Variants in CFAP70 observed in about 807,000 individuals in gnomAD.
CFAP70 encodes cilia- and flagella-associated protein 70.
In CFAP70, 81 loss-of-function variants were observed where a neutral mutation model predicts 137.6. The ratio of observed to expected loss-of-function variants is 0.59; its 90% CI spans 0.49 to 0.71. The LOEUF (loss-of-function observed/expected upper bound fraction) is 0.71, where lower values mean the gene tolerates loss of function less well. Among genes scored for constraint, CFAP70 ranks in the 30% least tolerant of loss-of-function variants. CFAP70 has a pLI of 0.00. For synonymous variants in CFAP70, 382 were observed against 423.6 expected (o/e 0.90, Z 1.20); for missense variants, 976 against 1,226.7 (o/e 0.80, Z 3.05).
At chr10:73,292,929 T>C (rs2048280990) in intron 16 of CFAP70, among the ~76,000 whole-genome samples, 1 of 152,186 alleles carries the variant, frequency 6.6e-6, no homozygotes, top group African/African-American at 2.4e-5. Context: ...TTCTGTCCTA[T>C]GTTTCTTCTA....
intron 9 of CFAP70, among the ~76,000 whole-genome samples, chr10:73,320,893 T>G (rs1212075698): frequency 6.6e-6 from 1 of 151,998 alleles, no homozygotes; most frequent in Non-Finnish European, 1.5e-5. Context: ...TCTCAAGCTC[T>G]TGACCTCAGG....
At chr10:73,308,434 G>C (rs1249553682) in intron 12 of CFAP70, among the ~76,000 whole-genome samples, 2 of 152,036 alleles carry the variant, frequency 1.3e-5, no homozygotes, top group Non-Finnish European at 2.9e-5. Context: ...TTCGAGACCA[G>C]CCTGAGCAAC....
intron 16 of CFAP70, among the ~76,000 whole-genome samples, chr10:73,292,479 A>T (rs913827663): frequency 4.6e-5 from 7 of 152,206 alleles, no homozygotes; most frequent in Admixed American, 1.3e-4. Flanking sequence ...ATGTTCATGG[A>T]TTGGATGACT....
chr10:73,340,122 C>T (rs2053111889), intron 6 of CFAP70, among the ~76,000 whole-genome samples: 1 of 152,314 alleles, frequency 6.6e-6, no homozygotes, highest in East Asian at 1.9e-4. Context: ...GCAGGTTGTC[C>T]TGACAAGTGC....
intron 26 of CFAP70, chr10:73,254,284 G>A (rs1132907): frequency 0.098 from 34,152 of 349,820 alleles, 2,515 homozygotes; most frequent in East Asian, 0.29. Flanking sequence ...CACTATGCAC[G>A]GTCATGATTT....
At chr10:73,286,405 C>T (rs1172219590) in intron 19 of CFAP70, among the ~76,000 whole-genome samples, 3 of 152,102 alleles carry the variant, frequency 2.0e-5, no homozygotes, top group Non-Finnish European at 4.4e-5. Context: ...GATCGCACCA[C>T]TGCACTCCAG....
At chr10:73,330,923 AGAGAGTCTTTAGT>A (rs2052009911) in intron 8 of CFAP70, among the ~76,000 whole-genome samples, 1 of 152,220 alleles carries the variant, frequency 6.6e-6, no homozygotes, top group African/African-American at 2.4e-5. Context: ...AATAAAGCCT[AGAGAGTCTTTAGT>A]GAACAACGGG....
intron 10 of CFAP70, 50 bp downstream of exon 11, chr10:73,312,423 C>T (rs1329991610): frequency 7.3e-7 from 1 of 1,375,088 alleles, no homozygotes; most frequent in Non-Finnish European, 9.9e-7. Flanking sequence ...TCAGTGAAGC[C>T]TCTGGAATGT....
At chr10:73,348,260 C>A (rs753728801) in intron 4 of CFAP70, 25 bp from the exon 5 acceptor site, 5 of 1,613,062 alleles carry the variant, frequency 3.1e-6, no homozygotes, top group Non-Finnish European at 4.2e-6. Flanking sequence ...CCAAGTTGAG[C>A]CAAAGAAGAA....
At chr10:73,320,947 G>T (rs2050798673) in intron 9 of CFAP70, among the ~76,000 whole-genome samples, 1 of 152,046 alleles carries the variant, frequency 6.6e-6, no homozygotes, top group Non-Finnish European at 1.5e-5. Context: ...GATTATAGGC[G>T]TGGCCTATAA....
chr10:73,312,600 A>C, exon 10 of CFAP70: 1 of 1,608,388 alleles, frequency 6.2e-7, no homozygotes, highest in East Asian at 2.2e-5. Context: ...ATTATGAATC[A>C]AGTGATGGCC....
intron 9 of CFAP70, among the ~76,000 whole-genome samples, chr10:73,315,136 G>T (rs1470966521): frequency 6.7e-6 from 1 of 150,314 alleles, no homozygotes; most frequent in Non-Finnish European, 1.5e-5. Flanking sequence ...AGGATCACTT[G>T]AGCCCAGTAG....
chr10:73,325,472 G>C lies in CFAP70; in HGVS notation c.778-2375C>G, dbSNP rs1259057149. Among the ~76,000 whole-genome samples the C allele has an allele frequency of 2.6e-5, 4 of 152,196 alleles. No homozygotes were observed. In the East Asian group the frequency reaches 7.7e-4, roughly 29 times the overall value. On this transcript the variant is annotated intron_variant, in intron 8 of 26. Coordinates refer to ENST00000310715, the Ensembl canonical transcript of CFAP70. ...GCTAACATCATAATGACGGGATCAA[G>C]TTCACACATAACAATATTAACCTTA... is the stretch of plus-strand genomic sequence containing the variant.
chr10:73,348,298 G>C, intron 4 of CFAP70, 63 bp from the exon 5 acceptor site: 1 of 1,564,026 alleles, frequency 6.4e-7, no homozygotes, highest in African/African-American at 1.3e-5. Flanking sequence ...ACTGCAGGCA[G>C]AGATAAATGT....
At chr10:73,288,263 A>G (rs2047899210) in intron 19 of CFAP70, among the ~76,000 whole-genome samples, 2 of 152,170 alleles carry the variant, frequency 1.3e-5, no homozygotes, top group South Asian at 4.1e-4. Context: ...AAAAGGCAAA[A>G]GGAACACAGA....
chr10:73,280,068 C>A (rs1342062094), intron 19 of CFAP70, among the ~76,000 whole-genome samples: 2 of 152,090 alleles, frequency 1.3e-5, no homozygotes, highest in South Asian at 4.1e-4. Context: ...TTAGCTATCC[C>A]GGTGATAAAT....
chr10:73,334,584 CTT>C (rs58264194), intron 7 of CFAP70, among the ~76,000 whole-genome samples: 17 of 142,266 alleles, frequency 1.2e-4, no homozygotes, highest in Admixed American at 2.1e-4. Flanking sequence ...ATTCTGGACT[CTT>C]TTTTTTTTTT....
In CFAP70 at chr10:73,351,162, AG is replaced by A. The variant is rs1223044974; in HGVS notation, c.250+2393del. ...GAGACGGAGTCTTGCTTTGTCACCCAGGCTGGAGTGCAGTGGCGCAGTCTCA... is the reference window on the plus strand; with the variant it reads ...GAGACGGAGTCTTGCTTTGTCACCCAGCTGGAGTGCAGTGGCGCAGTCTCA... On this transcript the variant is annotated intron_variant, in intron 3 of 26. Transcript: ENST00000310715. Among the ~76,000 whole-genome samples, 4 of 130,708 alleles carry A rather than the reference AG, an allele frequency of 3.1e-5. No individual in the cohort carries two copies. In the East Asian group the frequency reaches 8.7e-4, roughly 29 times the overall value. 85.7% of individuals were successfully genotyped at this position (130,708 alleles called of 152,430 possible).
At chr10:73,278,210 G>A (rs775636277) in exon 20 of CFAP70, 2 of 1,613,842 alleles carry the variant, frequency 1.2e-6, no homozygotes, top group South Asian at 1.1e-5. Flanking sequence ...TGATAAATGT[G>A]TTAGATGGTT....
Sources: allele counts gnomAD v4.1 joint callset (sites outside exome capture counted in the v4.1 genomes callset), GRCh38; gene constraint gnomAD v4.1.1; transcripts MANE v1.5; gene names NCBI Gene and HGNC (gene_info 2026-07-23, HGNC 2026-07-21).